The following KDM1B variants were observed in gnomAD, a reference collection of about 807,000 sequenced individuals.
KDM1B encodes lysine-specific histone demethylase 2.
KDM1B carries 63 observed loss-of-function variants against 107.4 expected under a neutral mutation model. The observed-to-expected ratio is 0.59, with a 90% CI of 0.48 to 0.72. KDM1B has a LOEUF of 0.72. Among genes scored for constraint, KDM1B ranks in the 30% least tolerant of loss-of-function variants. The probability of loss-of-function intolerance (pLI) is 0.00; values close to 1 mark genes in which losing one functional copy is unlikely to be tolerated. For missense variants in KDM1B, 749 were observed against 1,020.8 expected, an observed-to-expected ratio of 0.73 and a Z score of 3.63; for synonymous variants, 363 against 363.9, an observed-to-expected ratio of 1.00 and a Z score of 0.03.
chr6:18,181,266 G>T (rs1442665936), intron 7 of KDM1B, among the ~76,000 whole-genome samples: 3 of 152,232 alleles, frequency 2.0e-5, no homozygotes, highest in Non-Finnish European at 4.4e-5. Flanking sequence ...CAGGGAGAAG[G>T]CCTGATTGAC....
At chr6:18,161,586 C>T (rs12664350) in intron 4 of KDM1B, 132 bp downstream of exon 4, 87,603 of 960,908 alleles carry the variant, frequency 0.091, 4,656 homozygotes, top group South Asian at 0.16. Context: ...ATAATAGAGA[C>T]ATTGCCCAGA....
intron 7 of KDM1B, among the ~76,000 whole-genome samples, chr6:18,180,396 G>A (rs1389325730): frequency 1.3e-5 from 2 of 152,110 alleles, no homozygotes; most frequent in Non-Finnish European, 2.9e-5. Context: ...GGAGAGTTCA[G>A]CCAAGCAACA....
chr6:18,184,273 C>CTTTTTTTTTTTTTT (rs1163110910), intron 7 of KDM1B, among the ~76,000 whole-genome samples: 1 of 116,672 alleles, frequency 8.6e-6, no homozygotes, highest in Non-Finnish European at 1.7e-5. Flanking sequence ...GTTCTAGCTT[C>CTTTTTTTTTTTTTT]TTTTTTTTTT....
chr6:18,218,287 ATTT>A (rs962504827), intron 21 of KDM1B, among the ~76,000 whole-genome samples: 1 of 149,618 alleles, frequency 6.7e-6, no homozygotes, highest in Non-Finnish European at 1.5e-5. Flanking sequence ...AGCCTGGCTA[ATTT>A]TTTTTTTATT....
At position 18,200,416 on chromosome 6, in the gene KDM1B, TC is replaced by T; in HGVS notation, c.1222-20del. 1.2e-5 allele frequency: 20 copies of T among 1,611,674 alleles called. No homozygotes were observed. Among genetic ancestry groups the T allele is most frequent in the Non-Finnish European group, 1.6e-5 (19 of 1,178,888 alleles). On this transcript the variant is annotated intron_variant, in intron 12 of 21. Coordinates refer to ENST00000650836, the MANE Select transcript of KDM1B (RefSeq NM_001364614.2). This position sits in a 1 kb window ranked among gnomAD's most constrained non-coding sequence, Gnocchi z 4.3. ...TATAACTCTTGTGTCCTATTTAGCT[TC>T]CCTGACTGTCTGTCTTTTTAGGTGA...
At chr6:18,183,448 C>T (rs578170988) in intron 7 of KDM1B, among the ~76,000 whole-genome samples, 10 of 151,582 alleles carry the variant, frequency 6.6e-5, no homozygotes, top group Admixed American at 1.3e-4. Flanking sequence ...TTAGTAGAGA[C>T]GGGGTTTCAT....
chr6:18,202,010 T>C (rs1357445977), intron 14 of KDM1B, among the ~76,000 whole-genome samples: 1 of 152,200 alleles, frequency 6.6e-6, no homozygotes, highest in African/African-American at 2.4e-5. Context: ...ATGTCTTTTC[T>C]AGGTAAGGGT....
At position 18,212,880 on chromosome 6, in the gene KDM1B, T is replaced by TC. The variant is rs916985189; in HGVS notation, c.1983+282dup. On this transcript the variant is annotated intron_variant, in intron 18 of 21. Coordinates refer to ENST00000650836, the MANE Select transcript of KDM1B (RefSeq NM_001364614.2). The surrounding 1 kb of genome is among the most constrained non-coding windows in gnomAD (Gnocchi z 5.2). The stretch of plus-strand genomic sequence containing the variant: ...TAAGCAATTCTTTTATCCCCTTTTT[T>TC]CCCCCCTTCTGCTTTCTTTCTTGTC... 3.3e-4 allele frequency among the ~76,000 whole-genome samples: 50 copies of TC among 152,256 alleles called. No individual in the cohort carries two copies. Among genetic ancestry groups the TC allele is most frequent in the African/African-American group, 1.2e-3 (49 of 41,560 alleles).
intron 2 of KDM1B, among the ~76,000 whole-genome samples, 161 bp downstream of exon 2, chr6:18,156,087 T>TG (rs1483134074): frequency 6.6e-6 from 1 of 152,168 alleles, no homozygotes; most frequent in African/African-American, 2.4e-5. Flanking sequence ...CTCCCTCGCT[T>TG]GTTCTTCCCG....
intron 20 of KDM1B, among the ~76,000 whole-genome samples, chr6:18,217,378 C>CTTT (rs11343407): frequency 2.4e-5 from 3 of 127,018 alleles, no homozygotes; most frequent in South Asian, 2.6e-4. Context: ...TATCTCCCTT[C>CTTT]TTTTTTTTTT....
intron 2 of KDM1B, among the ~76,000 whole-genome samples, chr6:18,157,403 G>A (rs1784691221): frequency 6.6e-6 from 1 of 152,042 alleles, no homozygotes; most frequent in South Asian, 2.1e-4. Flanking sequence ...GTTGCATTAA[G>A]TACCTATTTT....
intron 2 of KDM1B, among the ~76,000 whole-genome samples, chr6:18,158,007 G>A (rs1250311810): frequency 6.6e-6 from 1 of 151,864 alleles, no homozygotes; most frequent in Non-Finnish European, 1.5e-5. Flanking sequence ...TAGAGATGGG[G>A]TTTCACCGTG....
intron 20 of KDM1B, among the ~76,000 whole-genome samples, chr6:18,216,799 TTTATTA>T (rs1329315206): frequency 2.0e-4 from 31 of 152,248 alleles, no homozygotes; most frequent in African/African-American, 7.5e-4. Context: ...ATTGTTCTAT[TTTATTA>T]TTGTCATTAA....
chr6:18,197,673 G>A lies in KDM1B; in HGVS notation c.1221+12G>A. 1 of 1,609,098 alleles carries A rather than the reference G, an allele frequency of 6.2e-7. No individual in the cohort carries two copies. On this transcript the variant is annotated intron_variant, in intron 12 of 21. Transcript: ENST00000650836. This position sits in a 1 kb window ranked among gnomAD's most constrained non-coding sequence, Gnocchi z 4.5. Reference sequence around the variant, plus strand: ...ACTTTGGAATTAAGGTAGGATTTTGGGGACATGGAGTTAGAACAGATGGTT... The same window carrying A: ...ACTTTGGAATTAAGGTAGGATTTTGAGGACATGGAGTTAGAACAGATGGTT...
chr6:18,199,008 GA>G (rs70974711), intron 12 of KDM1B, among the ~76,000 whole-genome samples: 17,440 of 74,552 alleles, frequency 0.23, 870 homozygotes, highest in Non-Finnish European at 0.3. Flanking sequence ...GTCTCTACCA[GA>G]AAAAAAAAAA....
At chr6:18,195,462 G>A (rs1194413037) in intron 10 of KDM1B, among the ~76,000 whole-genome samples, 1 of 152,126 alleles carries the variant, frequency 6.6e-6, no homozygotes, top group Non-Finnish European at 1.5e-5. Context: ...GGCCGGGCAC[G>A]GTGGCTCACG....
chr6:18,185,663 T>C, intron 7 of KDM1B, 109 bp from the exon 8 acceptor site: 1 of 1,013,316 alleles, frequency 9.9e-7, no homozygotes, highest in African/African-American at 1.6e-5. Flanking sequence ...AAAAATGCTT[T>C]TCTTTGCCAG....
At chr6:18,185,012 G>A (rs1786760444) in intron 7 of KDM1B, among the ~76,000 whole-genome samples, 1 of 152,002 alleles carries the variant, frequency 6.6e-6, no homozygotes. Flanking sequence ...TTATAGGCAT[G>A]AGCCACTGAG....
rs143386150 is a variant in KDM1B at position 18,200,564 on chromosome 6, A to G, written c.1347A>G (p.Leu449=). 3 of 1,612,036 alleles carry G rather than the reference A, an allele frequency of 1.9e-6. No homozygotes were observed. In the African/African-American group the frequency reaches 4.0e-5, roughly 22 times the overall value. The part of the protein sequence containing the change: ...VNGCINNPVA[L]MCEQLGISMH... ...GGTGTATTAACAACCCAGTAGCATT[A>G]ATGTGTGAACAAGTGAGTTTCTTTT... The change falls in exon 13 of 22, where the codon TTA becomes TTG. Residue 449 remains leucine (L), a synonymous_variant. Coordinates refer to ENST00000650836, the MANE Select transcript of KDM1B (RefSeq NM_001364614.2). This position sits in a 1 kb window ranked among gnomAD's most constrained non-coding sequence, Gnocchi z 4.3.
Sources: gnomAD v4.1 joint callset for allele counts (sites outside exome capture counted in the v4.1 genomes callset) on GRCh38, gnomAD v4.1.1 for gene constraint, Gnocchi (gnomAD v3.1) non-coding constraint, MANE v1.5 for transcripts, NCBI Gene and HGNC (gene_info 2026-07-23, HGNC 2026-07-21) for gene names.